Variants in PGM5 observed in about 807,000 individuals in gnomAD.
PGM5 encodes the protein phosphoglucomutase 5.
PGM5 carries 23 observed loss-of-function variants against 59.2 expected under a neutral mutation model. That is an observed-to-expected ratio of 0.39 (90% confidence interval 0.28 to 0.55). PGM5 has a LOEUF of 0.55. Ranked by LOEUF, PGM5 falls within the 20% of genes least tolerant of loss-of-function variation. The pLI is 0.66. For synonymous variants in PGM5, 214 were observed against 286.0 expected (o/e 0.75, Z 2.54); for missense variants, 574 against 748.3 (o/e 0.77, Z 2.72).
At chr9:68,458,056 T>C (rs1380888984) in intron 6 of PGM5, among the ~76,000 whole-genome samples, 1 of 152,186 alleles carries the variant, frequency 6.6e-6, no homozygotes, top group East Asian at 1.9e-4. Flanking sequence ...CAGGAACAGC[T>C]TACATTAAAG....
intron 6 of PGM5, among the ~76,000 whole-genome samples, chr9:68,395,094 T>C (rs1822465888): frequency 6.6e-6 from 1 of 152,218 alleles, no homozygotes; most frequent in African/African-American, 2.4e-5. Context: ...CCATATTTTC[T>C]TCTAGAGTCA....
At chr9:68,505,391 G>A (rs1554688941) in intron 10 of PGM5, among the ~76,000 whole-genome samples, 1 of 152,094 alleles carries the variant, frequency 6.6e-6, no homozygotes, top group East Asian at 1.9e-4. Context: ...TCTGGATTTA[G>A]CCCAGACCCC....
At chr9:68,492,736 C>T (rs1216169818) in intron 9 of PGM5, among the ~76,000 whole-genome samples, 3 of 152,174 alleles carry the variant, frequency 2.0e-5, no homozygotes, top group Non-Finnish European at 4.4e-5. Flanking sequence ...CACTTTTGGA[C>T]TCATGCTCAC....
At chr9:68,482,159 A>G (rs1345089003) in intron 8 of PGM5, among the ~76,000 whole-genome samples, 2 of 152,100 alleles carry the variant, frequency 1.3e-5, no homozygotes, top group Admixed American at 1.3e-4. Flanking sequence ...CGTTTGGGCA[A>G]ACAGATCTGA....
At chr9:68,525,900 C>T (rs908823674) in intron 10 of PGM5, among the ~76,000 whole-genome samples, 8 of 151,906 alleles carry the variant, frequency 5.3e-5, no homozygotes, top group African/African-American at 1.4e-4. Flanking sequence ...ACTAAAAATA[C>T]AAAAAATTAT....
intron 6 of PGM5, among the ~76,000 whole-genome samples, chr9:68,418,927 C>G (rs1181333072): frequency 6.6e-6 from 1 of 152,078 alleles, no homozygotes; most frequent in Admixed American, 6.5e-5. Flanking sequence ...AGGAACCAGG[C>G]TTATGCGAGC....
chr9:68,514,576 G>C (rs1346615921), intron 10 of PGM5, among the ~76,000 whole-genome samples: 1 of 152,172 alleles, frequency 6.6e-6, no homozygotes, highest in Non-Finnish European at 1.5e-5. Context: ...CTGCACTCCA[G>C]CTTGTGTGAC....
chr9:68,426,762 T>C (rs1564002696), intron 6 of PGM5: 1 of 150,518 alleles, frequency 6.6e-6, no homozygotes, highest in Non-Finnish European at 1.5e-5. Flanking sequence ...TCCTAGAAAG[T>C]CACAGAGCAC....
In PGM5 at chr9:68,365,909, G is replaced by A. The variant is rs553976737; in HGVS notation, c.261+8521G>A. Among the ~76,000 whole-genome samples the A allele has an allele frequency of 1.8e-3, 267 of 152,250 alleles. 1 individual carries two copies. Among genetic ancestry groups the A allele is most frequent in the African/African-American group, 6.1e-3 (255 of 41,570 alleles). On this transcript the variant is annotated intron_variant, in intron 1 of 10. Coordinates refer to ENST00000396396, the MANE Select transcript of PGM5 (RefSeq NM_021965.4). ...TTTAATATCTATGACATGTAAAAAG[G>A]TTTTCCAAATCAAGAAAATTCAAAC... is the stretch of plus-strand genomic sequence containing the variant.
chr9:68,436,590 T>G (rs1328777217), intron 6 of PGM5, among the ~76,000 whole-genome samples: 7 of 152,214 alleles, frequency 4.6e-5, no homozygotes, highest in Admixed American at 2.6e-4. Context: ...TTGTTTAGCA[T>G]TTCCTGTATG....
At chr9:68,427,870 C>G (rs1554682782) in intron 6 of PGM5, among the ~76,000 whole-genome samples, 4 of 152,120 alleles carry the variant, frequency 2.6e-5, no homozygotes, top group Admixed American at 2.6e-4. Context: ...AGAGGCAGCT[C>G]TGCTCTAAAT....
At chr9:68,404,263 A>T (rs1342068943) in intron 6 of PGM5, among the ~76,000 whole-genome samples, 3 of 152,120 alleles carry the variant, frequency 2.0e-5, no homozygotes, top group Admixed American at 6.5e-5. Context: ...AGCAGCTGGG[A>T]TTACAGGCAT....
chr9:68,456,342 G>A (rs544999185), intron 6 of PGM5, among the ~76,000 whole-genome samples: 7 of 150,304 alleles, frequency 4.7e-5, no homozygotes, highest in East Asian at 1.9e-4. Flanking sequence ...ACAGAGTCTC[G>A]CTGTGTCACC....
chr9:68,527,869 C>T (rs990266505), intron 10 of PGM5, among the ~76,000 whole-genome samples: 44 of 152,192 alleles, frequency 2.9e-4, no homozygotes, highest in African/African-American at 1.0e-3. Flanking sequence ...ACTTCAATGC[C>T]TCCCCTTGCC....
rs554818060 is a variant in PGM5, at chr9:68,362,523, A to G, written c.261+5135A>G. Among the ~76,000 whole-genome samples the G allele has an allele frequency of 3.0e-4, 45 of 152,368 alleles. No homozygotes were observed. In the East Asian group the frequency reaches 8.5e-3, roughly 29 times the overall value. ...ATACTATAAAGCAAAAGAAAAACCA[A>G]TCATGTGAAGAGTAAATAGTATCTT... On this transcript the variant is annotated intron_variant, in intron 1 of 10. Transcript: ENST00000396396.
intron 10 of PGM5, among the ~76,000 whole-genome samples, chr9:68,525,324 T>C (rs7045327): frequency 0.076 from 11,620 of 152,242 alleles, 1,498 homozygotes; most frequent in African/African-American, 0.26. Flanking sequence ...AGTAGATACT[T>C]TCCTTAGCCC....
At chr9:68,455,148 C>T (rs1441728542) in intron 6 of PGM5, among the ~76,000 whole-genome samples, 2 of 152,124 alleles carry the variant, frequency 1.3e-5, no homozygotes, top group African/African-American at 2.4e-5. Context: ...CAGCAACCTG[C>T]GTCATCCATT....
At chr9:68,439,386 T>G (rs1331577950) in intron 6 of PGM5, among the ~76,000 whole-genome samples, 1 of 147,220 alleles carries the variant, frequency 6.8e-6, no homozygotes, top group East Asian at 2.0e-4. Context: ...TATATATATA[T>G]CTTTATAAGT....
Position 68,423,375 on chromosome 9 carries a change from C to T in PGM5, c.1043+30902C>T, listed in dbSNP as rs1341387252. The stretch of plus-strand genomic sequence containing the variant: ...AAGTGTTCCCTGTTCACCGCATCCA[C>T]ACCAACATCTACTATATTTTTTTAT... On this transcript the variant is annotated intron_variant, in intron 6 of 10. Coordinates refer to ENST00000396396, the MANE Select transcript of PGM5 (RefSeq NM_021965.4). Among the ~76,000 whole-genome samples, 11 of 152,314 alleles carry T rather than the reference C, an allele frequency of 7.2e-5. No homozygotes were observed. The East Asian group carries it at 1.9e-3, about 27-fold the overall frequency.
Sources: allele counts gnomAD v4.1 joint callset (sites outside exome capture counted in the v4.1 genomes callset), GRCh38; gene constraint gnomAD v4.1.1; transcripts MANE v1.5; gene names NCBI Gene and HGNC (gene_info 2026-07-23, HGNC 2026-07-21).